Variants in METTL16 observed in about 807,000 individuals in gnomAD.
The protein encoded by METTL16 is RNA N(6)-adenosine-methyltransferase METTL16.
A neutral mutation model predicts 57.9 loss-of-function variants in METTL16; 19 were observed. The ratio of observed to expected loss-of-function variants is 0.33; its 90% CI spans 0.23 to 0.48. The LOEUF (loss-of-function observed/expected upper bound fraction) is 0.48, where lower values mean the gene tolerates loss of function less well. Among genes scored for constraint, METTL16 ranks in the 20% least tolerant of loss-of-function variants. METTL16 has a pLI of 0.99. For synonymous variants in METTL16, 246 were observed against 255.6 expected, an observed-to-expected ratio of 0.96 and a Z score of 0.36; for missense variants, 434 against 691.5, an observed-to-expected ratio of 0.63 and a Z score of 4.18.
chr17:2,431,626 A>G (rs1328414645), intron 8 of METTL16, among the ~76,000 whole-genome samples: 1 of 152,090 alleles, frequency 6.6e-6, no homozygotes, highest in Non-Finnish European at 1.5e-5. Flanking sequence ...ATCCTTGCCA[A>G]CGCTGGATGG....
intron 1 of METTL16, among the ~76,000 whole-genome samples, chr17:2,509,845 C>A (rs1016361393): frequency 8.1e-5 from 12 of 147,668 alleles, no homozygotes; most frequent in African/African-American, 3.0e-4. Context: ...TTCAGGAGGC[C>A]GAAGTTGCAG....
At chr17:2,426,783 C>G (rs1361235566) in intron 8 of METTL16, among the ~76,000 whole-genome samples, 1 of 146,020 alleles carries the variant, frequency 6.8e-6, no homozygotes, top group Admixed American at 6.8e-5. Context: ...AAAACTATTG[C>G]AGAATGCTAC....
intron 8 of METTL16, among the ~76,000 whole-genome samples, chr17:2,434,225 G>T (rs1472042926): frequency 1.3e-5 from 2 of 152,132 alleles, no homozygotes; most frequent in Non-Finnish European, 2.9e-5. Flanking sequence ...TTGAGACCCA[G>T]TCTCACTCTG....
At chr17:2,480,765 T>C (rs1006254721) in intron 2 of METTL16, among the ~76,000 whole-genome samples, 2 of 152,194 alleles carry the variant, frequency 1.3e-5, no homozygotes, top group Admixed American at 1.3e-4. Context: ...TTATAGACCA[T>C]AGAATAAAAT....
At chr17:2,437,514 T>G (rs2066916876) in intron 8 of METTL16, among the ~76,000 whole-genome samples, 1 of 147,522 alleles carries the variant, frequency 6.8e-6, no homozygotes, top group Non-Finnish European at 1.5e-5. Context: ...ACAGGTTATG[T>G]TACCTGAATT....
Position 2,420,974 on chromosome 17 carries a change from G to A in METTL16, c.889-70C>T. ...ATAATTAAACCTCATGCATTGTAAT[G>A]AACTCAGAGAAAATTTCCACAACTT... On this transcript the variant is annotated intron_variant, in intron 8 of 9. Coordinates refer to ENST00000263092, the MANE Select transcript of METTL16 (RefSeq NM_024086.4). The surrounding 1 kb of genome is among the most constrained non-coding windows in gnomAD (Gnocchi z 5.4). 2 of 1,521,268 alleles carry A rather than the reference G, an allele frequency of 1.3e-6. No individual in the cohort carries two copies. Among genetic ancestry groups the A allele is most frequent in the Non-Finnish European group, 1.8e-6 (2 of 1,121,196 alleles). The allele number at this position is 1,521,268 out of a possible 1,614,324, so 94.2% of individuals were successfully genotyped here.
chr17:2,428,757 A>G (rs1032651722), intron 8 of METTL16, among the ~76,000 whole-genome samples: 6 of 150,922 alleles, frequency 4.0e-5, no homozygotes, highest in Non-Finnish European at 7.4e-5. Flanking sequence ...AAAAAAAAGT[A>G]ATCCATGACT....
chr17:2,496,782 T>C (rs2067449168), intron 2 of METTL16, among the ~76,000 whole-genome samples: 1 of 151,426 alleles, frequency 6.6e-6, no homozygotes, highest in African/African-American at 2.5e-5. Context: ...GCTTTGCCCT[T>C]ATGAATGGAT....
chr17:2,445,553 A>C (rs1000192583), intron 6 of METTL16, among the ~76,000 whole-genome samples: 2 of 152,206 alleles, frequency 1.3e-5, no homozygotes, highest in Non-Finnish European at 1.5e-5. Context: ...TGGGAGGCTG[A>C]GGTGGGTGGA....
intron 2 of METTL16, among the ~76,000 whole-genome samples, chr17:2,486,953 G>GAA (rs1034938178): frequency 8.6e-6 from 1 of 116,486 alleles, no homozygotes; most frequent in African/African-American, 3.3e-5. Flanking sequence ...GCAGTGAGCC[G>GAA]AAATTGTACC....
chr17:2,473,953 A>C (rs2067252368), intron 3 of METTL16, among the ~76,000 whole-genome samples: 1 of 152,138 alleles, frequency 6.6e-6, no homozygotes, highest in African/African-American at 2.4e-5. Context: ...AGAAATCACA[A>C]GCTGGTACCT....
intron 8 of METTL16, among the ~76,000 whole-genome samples, chr17:2,430,540 T>C (rs965390600): frequency 8.4e-4 from 125 of 148,310 alleles, no homozygotes; most frequent in Middle Eastern, 7.3e-3. Context: ...CTCAGCCTCC[T>C]GAGTAGCTGG....
At chr17:2,499,592 G>A (rs191003360) in intron 2 of METTL16, among the ~76,000 whole-genome samples, 1 of 152,262 alleles carries the variant, frequency 6.6e-6, no homozygotes, top group Non-Finnish European at 1.5e-5. Flanking sequence ...TTTAGGGTAA[G>A]TGACTCCAAA....
rs568978535 is a variant in METTL16, at chr17:2,418,102, C to T, written c.*1868G>A. ...TTTTTTGCAGCCTGACACATGAATGCTTGGACTAGAATAATGATTCTTAAT... is the reference window on the plus strand; with the variant it reads ...TTTTTTGCAGCCTGACACATGAATGTTTGGACTAGAATAATGATTCTTAAT... On this transcript the variant is annotated 3_prime_UTR_variant, in exon 10 of 10. Coordinates refer to ENST00000263092, the MANE Select transcript of METTL16 (RefSeq NM_024086.4). The T allele has an allele frequency of 6.6e-6, 1 of 152,048 alleles. No individual in the cohort carries two copies. Among genetic ancestry groups the T allele is most frequent in the East Asian group, 1.9e-4 (1 of 5,178 alleles). The allele number at this position is 152,048 out of a possible 1,614,324, so 9.4% of individuals were successfully genotyped here.
intron 1 of METTL16, among the ~76,000 whole-genome samples, chr17:2,507,606 A>G (rs1344441537): frequency 1.3e-5 from 2 of 151,856 alleles, no homozygotes; most frequent in Non-Finnish European, 2.9e-5. Context: ...CTGCCCGGCC[A>G]CCACCCCGTC....
chr17:2,426,186 A>G (rs569534756), intron 8 of METTL16, among the ~76,000 whole-genome samples: 1 of 152,208 alleles, frequency 6.6e-6, no homozygotes, highest in African/African-American at 2.4e-5. Flanking sequence ...CCTCAAGTGG[A>G]AAGGGGACAG....
At chr17:2,466,998 G>T (rs1182295626) in intron 5 of METTL16, among the ~76,000 whole-genome samples, 2 of 151,824 alleles carry the variant, frequency 1.3e-5, no homozygotes, top group African/African-American at 2.4e-5. Context: ...TAGAGACAGG[G>T]CTTCACCACG....
intron 2 of METTL16, among the ~76,000 whole-genome samples, chr17:2,496,624 T>A (rs1452811363): frequency 2.0e-5 from 3 of 151,450 alleles, no homozygotes; most frequent in African/African-American, 7.3e-5. Context: ...TTTTTGCGCA[T>A]CCCTTTACTT....
chr17:2,507,229 GC>G (rs1466963153), intron 1 of METTL16, among the ~76,000 whole-genome samples: 1 of 142,684 alleles, frequency 7.0e-6, no homozygotes, highest in Non-Finnish European at 1.5e-5. Flanking sequence ...CCGGCCAGCC[GC>G]CCCGACCGGG....
Sources: gnomAD v4.1 joint callset for allele counts (sites outside exome capture counted in the v4.1 genomes callset) on GRCh38, gnomAD v4.1.1 for gene constraint, Gnocchi (gnomAD v3.1) non-coding constraint, MANE v1.5 for transcripts, NCBI Gene and HGNC (gene_info 2026-07-23, HGNC 2026-07-21) for gene names.